Variants in ARHGEF10L observed in about 807,000 individuals in gnomAD.
ARHGEF10L encodes rho guanine nucleotide exchange factor 10-like protein.
Under a neutral mutation model 141.2 loss-of-function variants are expected in ARHGEF10L, and 69 were observed. That is an observed-to-expected ratio of 0.49 (90% CI 0.40 to 0.60). ARHGEF10L has a LOEUF of 0.60. Ranked by LOEUF, ARHGEF10L falls within the 20% of genes least tolerant of loss-of-function variation. ARHGEF10L has a pLI of 0.00. For missense variants in ARHGEF10L, 1,482 were observed against 1,734.3 expected (o/e 0.85, Z 2.58); for synonymous variants, 711 against 718.5 (o/e 0.99, Z 0.17).
Position 17,607,698 on chromosome 1 carries a change from G to A in ARHGEF10L, c.434-104G>A. On this transcript the variant is annotated intron_variant, in intron 6 of 28. Coordinates refer to ENST00000361221, the MANE Select transcript of ARHGEF10L (RefSeq NM_018125.4). This position sits in a 1 kb window ranked among gnomAD's most constrained non-coding sequence, Gnocchi z 4.5. Reference sequence around the variant, plus strand: ...GCCCCAGGGCCCCCATGTTCTCCCTGACCCCCCCTCGCCCCACCTGGGTTC... The same window carrying A: ...GCCCCAGGGCCCCCATGTTCTCCCTAACCCCCCCTCGCCCCACCTGGGTTC... 8.1e-7 allele frequency: 1 copy of A among 1,230,944 alleles called. No individual in the cohort carries two copies. Among genetic ancestry groups the A allele is most frequent in the Non-Finnish European group, 1.1e-6 (1 of 938,492 alleles). The allele number at this position is 1,230,944 out of a possible 1,614,324, so 76.3% of individuals were successfully genotyped here.
intron 1 of ARHGEF10L, among the ~76,000 whole-genome samples, chr1:17,555,429 C>A (rs1253577426): frequency 6.6e-6 from 1 of 151,018 alleles, no homozygotes; most frequent in Admixed American, 6.6e-5. Context: ...ATGGCATGAT[C>A]TCAGCTCATT....
intron 1 of ARHGEF10L, among the ~76,000 whole-genome samples, chr1:17,563,089 C>T (rs2077608151): frequency 6.6e-6 from 1 of 151,754 alleles, no homozygotes; most frequent in Admixed American, 6.6e-5. Context: ...TCCTGGGGGA[C>T]GATGAATCTT....
intron 7 of ARHGEF10L, among the ~76,000 whole-genome samples, chr1:17,610,385 G>A (rs2059486950): frequency 6.6e-6 from 1 of 152,220 alleles, no homozygotes; most frequent in Non-Finnish European, 1.5e-5. Context: ...TCTCAGGCTG[G>A]GGGCTTTGGA....
chr1:17,573,649 A>G lies in ARHGEF10L; in HGVS notation c.-43-6904A>G, dbSNP rs1056203197. On this transcript the variant is annotated intron_variant, in intron 1 of 28. Transcript: ENST00000361221. This position sits in a 1 kb window ranked among gnomAD's most constrained non-coding sequence, Gnocchi z 4.8. Reference sequence around the variant, plus strand: ...TAGAGTCTGGGGCCGCCCCCCTCCCACGCTGTCCAGCCACTTCTCCAGGCT... The same window carrying G: ...TAGAGTCTGGGGCCGCCCCCCTCCCGCGCTGTCCAGCCACTTCTCCAGGCT... 2.6e-5 allele frequency among the ~76,000 whole-genome samples: 4 copies of G among 151,706 alleles called. No individual in the cohort carries two copies. Among genetic ancestry groups the G allele is most frequent in the African/African-American group, 7.3e-5 (3 of 41,288 alleles).
chr1:17,514,897 G>A, the ARHGEF10L span, among the ~76,000 whole-genome samples: 8 of 152,218 alleles, frequency 5.3e-5, no homozygotes, highest in South Asian at 4.1e-4. Context: ...TGAGCCTCTC[G>A]TGCCAGCGGC....
chr1:17,588,849 AGT>A lies in ARHGEF10L; in HGVS notation c.257+419_257+420del, dbSNP rs57719075. Among the ~76,000 whole-genome samples the A allele has an allele frequency of 9.0e-3, 184 of 20,428 alleles. 3 individuals carry two copies. Among genetic ancestry groups the A allele is most frequent in the Admixed American group, 0.054 (66 of 1,214 alleles). 13.4% of individuals were successfully genotyped at this position (20,428 alleles called of 152,430 possible). A position where few individuals can be genotyped will look rare whatever the true frequency, so the allele number is the denominator to read the frequency against. ...AGAAGCAAACAGCTGGAGGGTCCCCAGTGTGTGTGTGTGTGTGTGTGTGTGTG... is the reference window on the plus strand; with the variant it reads ...AGAAGCAAACAGCTGGAGGGTCCCCAGTGTGTGTGTGTGTGTGTGTGTGTG... On this transcript the variant is annotated intron_variant, in intron 4 of 28. Coordinates refer to ENST00000361221, the MANE Select transcript of ARHGEF10L (RefSeq NM_018125.4).
In ARHGEF10L at chr1:17,673,567, T is replaced by C. The variant is rs1196980980; in HGVS notation, c.3009+8972T>C. 6.6e-6 allele frequency among the ~76,000 whole-genome samples: 1 copy of C among 152,154 alleles called. No homozygotes were observed. The highest frequency in any genetic ancestry group is 1.5e-5 in the Non-Finnish European group (1 of 68,020). Reference sequence around the variant, plus strand: ...GCAGAGGGTGTAGGCTAGTGCCTAATGCACACTCAGGCAGAGTGGCCGCTA... The same window carrying C: ...GCAGAGGGTGTAGGCTAGTGCCTAACGCACACTCAGGCAGAGTGGCCGCTA... On this transcript the variant is annotated intron_variant, in intron 26 of 28. Coordinates refer to ENST00000361221, the MANE Select transcript of ARHGEF10L (RefSeq NM_018125.4). This position sits in a 1 kb window ranked among gnomAD's most constrained non-coding sequence, Gnocchi z 4.1.
At chr1:17,555,597 C>T (rs1489394436) in intron 1 of ARHGEF10L, among the ~76,000 whole-genome samples, 12 of 152,024 alleles carry the variant, frequency 7.9e-5, no homozygotes, top group Admixed American at 1.3e-4. Context: ...TCAGGTGATC[C>T]ACCCACCTTG....
At chr1:17,588,351 C>G (rs1193343) in intron 3 of ARHGEF10L, 95 bp from the exon 4 acceptor site, 18 of 1,406,518 alleles carry the variant, frequency 1.3e-5, no homozygotes, top group East Asian at 4.6e-5. Context: ...CTGTCTGCGG[C>G]GCCCCTGGGG....
intron 22 of ARHGEF10L, among the ~76,000 whole-genome samples, chr1:17,652,479 G>C (rs1323636880): frequency 6.6e-6 from 1 of 152,172 alleles, no homozygotes. Flanking sequence ...AGGATTAAAG[G>C]ATATGATTTG....
rs2062234026 is a variant in ARHGEF10L at position 17,656,155 on chromosome 1, G to A, written c.2705+53G>A. 1.3e-6 allele frequency: 2 copies of A among 1,525,252 alleles called. No individual in the cohort carries two copies. Among genetic ancestry groups the A allele is most frequent in the Non-Finnish European group, 1.8e-6 (2 of 1,128,274 alleles). The allele number at this position is 1,525,252 out of a possible 1,614,324, so 94.5% of individuals were successfully genotyped here. ...GCAGCCTCTGCAGGGCTGGGCAGTG[G>A]GTGGGGGCTGTCCCTGTAGCCTTCC... On this transcript the variant is annotated intron_variant, in intron 24 of 28. Transcript: ENST00000361221. The surrounding 1 kb of genome is among the most constrained non-coding windows in gnomAD (Gnocchi z 4.9).
intron 1 of ARHGEF10L, among the ~76,000 whole-genome samples, chr1:17,552,744 A>G (rs1481250326): frequency 6.6e-6 from 1 of 151,794 alleles, no homozygotes. Context: ...ATCCCTTGTC[A>G]TCTTGTGAGC....
At position 17,573,459 on chromosome 1, in the gene ARHGEF10L, A is replaced by G. The variant is rs1408708248; in HGVS notation, c.-43-7094A>G. ...CTGAGGGTCTGGGGTTCTCTGGAGA[A>G]GAGGGGGGTCAGTTCAGCTGATGGC... On this transcript the variant is annotated intron_variant, in intron 1 of 28. Coordinates refer to ENST00000361221, the MANE Select transcript of ARHGEF10L (RefSeq NM_018125.4). This position sits in a 1 kb window ranked among gnomAD's most constrained non-coding sequence, Gnocchi z 4.8. 6.6e-6 allele frequency among the ~76,000 whole-genome samples: 1 copy of G among 152,168 alleles called. No individual in the cohort carries two copies. The highest frequency in any genetic ancestry group is 1.5e-5 in the Non-Finnish European group (1 of 68,022).
intron 28 of ARHGEF10L, 47 bp downstream of exon 28, chr1:17,695,327 A>G (rs779348420): frequency 4.3e-5 from 66 of 1,536,964 alleles, no homozygotes; most frequent in Non-Finnish European, 5.3e-5. Flanking sequence ...GGTCAGCTGC[A>G]GGTGGCCAGT....
the ARHGEF10L span, among the ~76,000 whole-genome samples, chr1:17,519,708 G>C: frequency 6.6e-6 from 1 of 151,852 alleles, no homozygotes; most frequent in African/African-American, 2.4e-5. Flanking sequence ...GGTGGTGGGT[G>C]CCTGTAATCC....
At chr1:17,557,941 G>C (rs573389309) in intron 1 of ARHGEF10L, among the ~76,000 whole-genome samples, 1 of 152,230 alleles carries the variant, frequency 6.6e-6, no homozygotes, top group East Asian at 1.9e-4. Context: ...CACTGAAATA[G>C]AGCCCTGGGC....
chr1:17,526,895 C>T, the ARHGEF10L span, among the ~76,000 whole-genome samples: 1 of 121,392 alleles, frequency 8.2e-6, no homozygotes, highest in Non-Finnish European at 1.7e-5. Context: ...GAGAGTGAGA[C>T]CCTGTCTCCA....
At chr1:17,589,082 G>A (rs2079312489) in intron 4 of ARHGEF10L, among the ~76,000 whole-genome samples, 1 of 152,144 alleles carries the variant, frequency 6.6e-6, no homozygotes, top group South Asian at 2.1e-4. Flanking sequence ...GAGCCTGGAT[G>A]TTGGGGTGAG....
chr1:17,638,097 G>T, intron 19 of ARHGEF10L, 94 bp downstream of exon 19: 4 of 1,137,046 alleles, frequency 3.5e-6, no homozygotes, highest in Non-Finnish European at 5.0e-6. Flanking sequence ...TCCTCTCCTG[G>T]CCCATGTCCC....
Sources: gnomAD v4.1 joint callset for allele counts (sites outside exome capture counted in the v4.1 genomes callset) on GRCh38, gnomAD v4.1.1 for gene constraint, Gnocchi (gnomAD v3.1) non-coding constraint, MANE v1.5 for transcripts, NCBI Gene and HGNC (gene_info 2026-07-23, HGNC 2026-07-21) for gene names.